The following FREM1 variants were observed in gnomAD, a reference collection of about 807,000 sequenced individuals.
FREM1 encodes the protein FRAS1-related extracellular matrix protein 1.
FREM1 carries 220 observed loss-of-function variants against 210.1 expected under a neutral mutation model. That is an observed-to-expected ratio of 1.05 (90% CI 0.94 to 1.17). The LOEUF (loss-of-function observed/expected upper bound fraction) is 1.17, where lower values mean the gene tolerates loss of function less well. FREM1 is among the 50% of genes most tolerant of loss of function. The pLI, the probability that FREM1 is intolerant of heterozygous loss-of-function variation, is 0.00. For missense variants in FREM1, 3,454 were observed against 2,675.5 expected (o/e 1.29, Z -6.42); for synonymous variants, 1,189 against 980.2 (o/e 1.21, Z -3.98).
chr9:14,761,698 T>A (rs1240716460), intron 27 of FREM1, among the ~76,000 whole-genome samples: 1 of 152,216 alleles, frequency 6.6e-6, no homozygotes, highest in Middle Eastern at 3.2e-3. Flanking sequence ...AAATCTCACA[T>A]CATCCCCTGC....
chr9:14,797,103 G>C (rs139725389), intron 21 of FREM1, among the ~76,000 whole-genome samples: 1 of 152,210 alleles, frequency 6.6e-6, no homozygotes, highest in Non-Finnish European at 1.5e-5. Flanking sequence ...CAAATCTGTT[G>C]TAAGGACTGT....
chr9:14,851,984 C>A (rs916593184), intron 5 of FREM1, among the ~76,000 whole-genome samples: 1 of 152,174 alleles, frequency 6.6e-6, no homozygotes, highest in African/African-American at 2.4e-5. Flanking sequence ...TCTTCAGTCT[C>A]ATTTTCTTTC....
Position 14,836,286 on chromosome 9 carries a change from G to C in FREM1, c.1881+5161C>G, listed in dbSNP as rs922151206. Among the ~76,000 whole-genome samples, 1 of 152,216 alleles carries C rather than the reference G, an allele frequency of 6.6e-6. No homozygotes were observed. The highest frequency in any genetic ancestry group is 2.4e-5 in the African/African-American group (1 of 41,450). On this transcript the variant is annotated intron_variant, in intron 10 of 36. Coordinates refer to ENST00000380880, the MANE Select transcript of FREM1 (RefSeq NM_001379081.2). This position sits in a 1 kb window ranked among gnomAD's most constrained non-coding sequence, Gnocchi z 4.9. ...AAATATTGGACAGAGAGTTTTCATT[G>C]CTGTAGTATTTTGCTTAATTATTAT...
intron 19 of FREM1, among the ~76,000 whole-genome samples, chr9:14,803,366 A>ATACT (rs1817717389): frequency 9.5e-6 from 1 of 105,660 alleles, no homozygotes; most frequent in African/African-American, 3.8e-5. Context: ...CCTTCTTTCC[A>ATACT]TCCTTCCTTC....
At chr9:14,761,494 C>A (rs1344555741) in intron 27 of FREM1, among the ~76,000 whole-genome samples, 1 of 152,142 alleles carries the variant, frequency 6.6e-6, no homozygotes, top group African/African-American at 2.4e-5. Context: ...TCTGATGCAA[C>A]TGAATTTAAA....
At chr9:14,825,445 G>T (rs186108186) in intron 10 of FREM1, among the ~76,000 whole-genome samples, 3 of 141,146 alleles carry the variant, frequency 2.1e-5, no homozygotes. Context: ...CTGAGATCAC[G>T]CCATTGCACT....
At chr9:14,761,265 T>C (rs1348222304) in intron 27 of FREM1, among the ~76,000 whole-genome samples, 2 of 152,116 alleles carry the variant, frequency 1.3e-5, no homozygotes, top group Non-Finnish European at 2.9e-5. Context: ...CCAGATAAAC[T>C]CAACAGTGTA....
chr9:14,904,168 A>G (rs1386141399), intron 1 of FREM1, among the ~76,000 whole-genome samples: 5 of 151,682 alleles, frequency 3.3e-5, no homozygotes, highest in African/African-American at 7.3e-5. Flanking sequence ...TCTGGGTTAT[A>G]GAGACTAGTG....
chr9:14,858,241 T>G (rs1407382606), intron 4 of FREM1, among the ~76,000 whole-genome samples: 1 of 152,240 alleles, frequency 6.6e-6, no homozygotes, highest in Non-Finnish European at 1.5e-5. Flanking sequence ...AAACATTCTT[T>G]GACCACCTGA....
intron 27 of FREM1, among the ~76,000 whole-genome samples, chr9:14,768,574 C>T (rs1846899520): frequency 6.6e-6 from 1 of 152,108 alleles, no homozygotes; most frequent in Admixed American, 6.6e-5. Context: ...ATAGTAGCCA[C>T]TCGATAAAAG....
intron 22 of FREM1, 27 bp from the exon 23 acceptor site, chr9:14,789,141 G>A (rs754642847): frequency 2.0e-6 from 3 of 1,492,652 alleles, no homozygotes; most frequent in Non-Finnish European, 2.7e-6. Flanking sequence ...TTAGTCAGCT[G>A]CTCATGGTTT....
intron 16 of FREM1, among the ~76,000 whole-genome samples, chr9:14,810,452 TA>T (rs146627512): frequency 2.6e-5 from 4 of 151,746 alleles, no homozygotes; most frequent in East Asian, 1.9e-4. Context: ...ATAGTGTTAT[TA>T]AAAAAAAATT....
intron 2 of FREM1, among the ~76,000 whole-genome samples, chr9:14,868,208 T>A (rs1161309561): frequency 6.6e-6 from 1 of 152,224 alleles, no homozygotes; most frequent in Non-Finnish European, 1.5e-5. Flanking sequence ...TCTTGAAATC[T>A]TGATCTCTTA....
Position 14,799,954 on chromosome 9 carries a change from C to A in FREM1, c.3694+1698G>T, listed in dbSNP as rs1218830570. On this transcript the variant is annotated intron_variant, in intron 20 of 36. Coordinates refer to ENST00000380880, the MANE Select transcript of FREM1 (RefSeq NM_001379081.2). ...TAATGCTATCCCTCCCCCCTCCCCC[C>A]ACCCCACAACAGTCCCCAGAGTGTG... Among the ~76,000 whole-genome samples, 11 of 125,460 alleles carry A rather than the reference C, an allele frequency of 8.8e-5. No individual in the cohort carries two copies. In the East Asian group the frequency reaches 1.7e-3, roughly 19 times the overall value. The allele number at this position is 125,460 out of a possible 152,430, so 82.3% of individuals were successfully genotyped here.
chr9:14,747,105 T>C (rs1472681964), intron 33 of FREM1, 54 bp from the exon 34 acceptor site: 5 of 1,610,012 alleles, frequency 3.1e-6, no homozygotes, highest in Non-Finnish European at 3.4e-6. Flanking sequence ...GGAAAGTTGC[T>C]CACACATTCA....
At chr9:14,765,556 T>A (rs1307999249) in intron 27 of FREM1, among the ~76,000 whole-genome samples, 1 of 152,350 alleles carries the variant, frequency 6.6e-6, no homozygotes, top group Non-Finnish European at 1.5e-5. Context: ...TTTCCTAAGA[T>A]CTAGTCTGAA....
At chr9:14,815,660 T>C (rs148979208) in intron 15 of FREM1, among the ~76,000 whole-genome samples, 25 of 152,260 alleles carry the variant, frequency 1.6e-4, no homozygotes, top group Non-Finnish European at 3.5e-4. Context: ...TCAAATTGTT[T>C]TTTTTGAGTC....
intron 1 of FREM1, among the ~76,000 whole-genome samples, chr9:14,871,733 C>T (rs1051475712): frequency 1.3e-5 from 2 of 152,120 alleles, no homozygotes; most frequent in Non-Finnish European, 2.9e-5. Flanking sequence ...CTTGCCCATG[C>T]CTATGTCCTG....
intron 24 of FREM1, among the ~76,000 whole-genome samples, chr9:14,782,080 C>T (rs1849722137): frequency 6.6e-6 from 1 of 152,214 alleles, no homozygotes; most frequent in Non-Finnish European, 1.5e-5. Flanking sequence ...ATGGCTAGTC[C>T]TGACTGCATC....
Sources: allele counts gnomAD v4.1 joint callset (sites outside exome capture counted in the v4.1 genomes callset), GRCh38; gene constraint gnomAD v4.1.1; non-coding constraint Gnocchi (gnomAD v3.1); transcripts MANE v1.5; gene names NCBI Gene and HGNC (gene_info 2026-07-23, HGNC 2026-07-21).